DLGAP2: variants seen among roughly 807,000 people sequenced by gnomAD.
DLGAP2 encodes disks large-associated protein 2.
A neutral mutation model predicts 100.3 loss-of-function variants in DLGAP2; 26 were observed. That is an observed-to-expected ratio of 0.26 (90% CI 0.19 to 0.36). The LOEUF (loss-of-function observed/expected upper bound fraction) is 0.36. Ranked by LOEUF, DLGAP2 falls within the 10% of genes least tolerant of loss-of-function variation. The pLI is 1.00. For synonymous variants in DLGAP2, 886 were observed against 630.1 expected (o/e 1.41, Z -6.08); for missense variants, 1,858 against 1,453.2 (o/e 1.28, Z -4.53).
intron 2 of DLGAP2, among the ~76,000 whole-genome samples, chr8:1,173,762 C>T (rs146781030): frequency 1.2e-4 from 19 of 152,256 alleles, no homozygotes; most frequent in South Asian, 4.1e-4. Context: ...AGGAGTGACC[C>T]GATTTTCCAG....
intron 2 of DLGAP2, among the ~76,000 whole-genome samples, chr8:1,254,571 G>T (rs191245808): frequency 6.6e-6 from 1 of 152,128 alleles, no homozygotes; most frequent in African/African-American, 2.4e-5. Context: ...GGAAAATCAC[G>T]ATCTATGGCC....
chr8:1,294,887 AC>A (rs1421198299), intron 3 of DLGAP2, among the ~76,000 whole-genome samples: 75 of 112,764 alleles, frequency 6.7e-4, no homozygotes, highest in Non-Finnish European at 1.3e-3. Context: ...AAAAAACAAA[AC>A]TTTTTTTTTT....
At chr8:1,144,648 C>T (rs1365065316) in intron 2 of DLGAP2, among the ~76,000 whole-genome samples, 1 of 152,242 alleles carries the variant, frequency 6.6e-6, no homozygotes, top group Non-Finnish European at 1.5e-5. Flanking sequence ...TTAATCTCTG[C>T]TTCTGCTTTT....
intron 1 of DLGAP2, among the ~76,000 whole-genome samples, chr8:869,347 C>T (rs988804180): frequency 6.6e-5 from 10 of 152,112 alleles, no homozygotes; most frequent in African/African-American, 2.4e-4. Context: ...AGAGTCACGC[C>T]CTCCCTGTCA....
chr8:1,122,243 C>A (rs1422172338), intron 2 of DLGAP2, among the ~76,000 whole-genome samples: 1 of 152,178 alleles, frequency 6.6e-6, no homozygotes, highest in Non-Finnish European at 1.5e-5. Context: ...GACCCTGTTT[C>A]TCCTCTTCTG....
At chr8:1,425,871 G>T (rs1797224291) in intron 3 of DLGAP2, among the ~76,000 whole-genome samples, 1 of 152,196 alleles carries the variant, frequency 6.6e-6, no homozygotes, top group Non-Finnish European at 1.5e-5. Context: ...AGGGAATGCG[G>T]ACTGGAGCTT....
At chr8:949,354 G>GA (rs1799417045) in intron 2 of DLGAP2, among the ~76,000 whole-genome samples, 1 of 152,208 alleles carries the variant, frequency 6.6e-6, no homozygotes, top group Non-Finnish European at 1.5e-5. Flanking sequence ...CACCACGCTG[G>GA]ATAGTCCCAG....
Position 1,691,644 on chromosome 8 carries a change from G to T in DLGAP2, c.2796+18G>T, listed in dbSNP as rs776035105. ...AGAATATGGTAAGTGAATCCTCAGT[G>T]AACCCCTGTTCCCTGTAACCAAGCT... On this transcript the variant is annotated intron_variant, in intron 13 of 14. Transcript: ENST00000637795. 8.1e-5 allele frequency: 130 copies of T among 1,600,424 alleles called. No homozygotes were observed. The highest frequency in any genetic ancestry group is 1.1e-4 in the Non-Finnish European group (123 of 1,168,786).
At chr8:1,177,112 G>A (rs1306675638) in intron 2 of DLGAP2, among the ~76,000 whole-genome samples, 1 of 152,120 alleles carries the variant, frequency 6.6e-6, no homozygotes, top group Admixed American at 6.6e-5. Context: ...CCTGTTATAC[G>A]TGGTCTAAAA....
intron 3 of DLGAP2, among the ~76,000 whole-genome samples, chr8:1,327,523 A>G (rs1020851022): frequency 5.3e-5 from 8 of 152,164 alleles, no homozygotes; most frequent in African/African-American, 1.4e-4. Flanking sequence ...TGACCTTTTT[A>G]AAAAGTTTAA....
intron 3 of DLGAP2, among the ~76,000 whole-genome samples, chr8:1,470,434 G>C (rs1177125445): frequency 6.6e-6 from 1 of 152,100 alleles, no homozygotes; most frequent in African/African-American, 2.4e-5. Flanking sequence ...GCAGCTGATA[G>C]ATATGTTTAA....
intron 3 of DLGAP2, among the ~76,000 whole-genome samples, chr8:1,339,303 A>G (rs1001979705): frequency 3.3e-5 from 5 of 151,586 alleles, no homozygotes; most frequent in Non-Finnish European, 7.4e-5. Context: ...GTGAGGCATC[A>G]GGACCCGGGA....
intron 1 of DLGAP2, among the ~76,000 whole-genome samples, chr8:797,452 C>T (rs1483396277): frequency 6.6e-6 from 1 of 152,146 alleles, no homozygotes; most frequent in East Asian, 1.9e-4. Flanking sequence ...TTTCCATTCT[C>T]TGGATGGACT....
At chr8:1,620,997 ACT>A (rs1041671599) in intron 6 of DLGAP2, 1 of 151,764 alleles carries the variant, frequency 6.6e-6, no homozygotes, top group South Asian at 2.1e-4. Context: ...GCTGGCACAC[ACT>A]CTACATTTCC....
chr8:738,103 G>T, intron 1 of DLGAP2: 1 of 249,574 alleles, frequency 4.0e-6, no homozygotes, highest in Non-Finnish European at 7.6e-6. Context: ...GTGCGGGAGC[G>T]CACGGGGCCG....
chr8:1,188,147 A>G (rs1333463006), intron 2 of DLGAP2, among the ~76,000 whole-genome samples: 1 of 127,536 alleles, frequency 7.8e-6, no homozygotes, highest in African/African-American at 3.7e-5. Flanking sequence ...CACGCCCGGG[A>G]CTTCCGTGAC....
Position 1,565,918 on chromosome 8 carries a change from C to T in DLGAP2, c.1442+24C>T, listed in dbSNP as rs768652516. 5.2e-5 allele frequency: 81 copies of T among 1,555,300 alleles called. 1 individual carries two copies. The highest frequency in any genetic ancestry group is 7.0e-5 in the Non-Finnish European group (81 of 1,148,996). ...ACGTAAGTGAGACCAGCTGCCTTCCCACTCCAAGCACTTTCCCACTGCCTG... is the reference window on the plus strand; with the variant it reads ...ACGTAAGTGAGACCAGCTGCCTTCCTACTCCAAGCACTTTCCCACTGCCTG... On this transcript the variant is annotated intron_variant, in intron 6 of 14. Transcript: ENST00000637795.
chr8:1,447,473 C>A (rs1007735841), intron 3 of DLGAP2, among the ~76,000 whole-genome samples: 13 of 152,184 alleles, frequency 8.5e-5, no homozygotes, highest in Non-Finnish European at 1.8e-4. Flanking sequence ...TGATGTGCTG[C>A]TGGATTCGGT....
At chr8:1,694,685 C>T (rs927796013) in intron 13 of DLGAP2, among the ~76,000 whole-genome samples, 3 of 152,130 alleles carry the variant, frequency 2.0e-5, no homozygotes, top group Non-Finnish European at 2.9e-5. Flanking sequence ...GAGCAGGTGC[C>T]GGCGCACAGA....
Sources: allele counts gnomAD v4.1 joint callset (sites outside exome capture counted in the v4.1 genomes callset), GRCh38; gene constraint gnomAD v4.1.1; transcripts MANE v1.5; gene names NCBI Gene and HGNC (gene_info 2026-07-23, HGNC 2026-07-21).